The following DMD variants were observed in gnomAD, a reference collection of about 807,000 sequenced individuals.
DMD encodes mutant dystrophin.
A neutral mutation model predicts 330.1 loss-of-function variants in DMD; 63 were observed. That is an observed-to-expected ratio of 0.19 (90% CI 0.16 to 0.24). DMD has a LOEUF of 0.24. Ranked by LOEUF, DMD falls within the 10% of genes least tolerant of loss-of-function variation. The pLI is 1.00. For synonymous variants in DMD, 1,223 were observed against 959.8 expected (o/e 1.27, Z -5.07); for missense variants, 3,344 against 2,684.1 (o/e 1.25, Z -5.43).
At chrX:31,390,704 T>A (rs1340599168) in intron 60 of DMD, among the ~76,000 whole-genome samples, 1 of 111,771 alleles carries the variant, frequency 8.9e-6, no homozygotes, top group Admixed American at 9.5e-5. Flanking sequence ...CTCCCAGTAG[T>A]CATTTTCTTT....
intron 64 of DMD, among the ~76,000 whole-genome samples, chrX:31,213,849 AAAG>A (rs1191925098): frequency 2.7e-5 from 3 of 112,194 alleles, no homozygotes; most frequent in African/African-American, 9.7e-5. Context: ...AGAAAGAAAA[AAAG>A]AAGATTCTGA....
At chrX:32,525,304 G>A (rs912142475) in intron 17 of DMD, among the ~76,000 whole-genome samples, 1 of 111,624 alleles carries the variant, frequency 9.0e-6, no homozygotes, top group Non-Finnish European at 1.9e-5. Flanking sequence ...AGAGTTCTGG[G>A]AGTTAACTGT....
At chrX:33,205,617 T>A (rs781678124) in intron 1 of DMD, among the ~76,000 whole-genome samples, 3 of 111,821 alleles carry the variant, frequency 2.7e-5, no homozygotes, top group African/African-American at 9.7e-5. Context: ...TCCATGACAG[T>A]CTTAGCCAAA....
At chrX:33,034,886 G>C (rs2094178325) in intron 1 of DMD, among the ~76,000 whole-genome samples, 1 of 111,942 alleles carries the variant, frequency 8.9e-6, no homozygotes, top group African/African-American at 3.2e-5. Flanking sequence ...GACTAAATAA[G>C]CCATTATCTT....
intron 7 of DMD, among the ~76,000 whole-genome samples, chrX:32,764,097 GTT>G (rs367686108): frequency 5.8e-5 from 6 of 102,845 alleles, no homozygotes; most frequent in African/African-American, 1.7e-4. Flanking sequence ...TTAAGTTGAG[GTT>G]TTTTTTTTTT....
In DMD at chrX:32,323,446, T is replaced by A. The variant is rs367711796; in HGVS notation, c.5923-13170A>T. ...TTATGAAGTGATAGTGTAATTTAAG[T>A]AATAACATGACATCTTGAACTAGTA... On this transcript the variant is annotated intron_variant, in intron 41 of 78. Transcript: ENST00000357033. Among the ~76,000 whole-genome samples the A allele has an allele frequency of 4.4e-4, 49 of 111,813 alleles. 1 individual carries two copies. The East Asian group carries it at 9.4e-3, about 21-fold the overall frequency.
intron 4 of DMD, among the ~76,000 whole-genome samples, chrX:32,836,380 C>T (rs2079633977): frequency 9.0e-6 from 1 of 110,815 alleles, no homozygotes; most frequent in Non-Finnish European, 1.9e-5. Context: ...GTGTAAAACC[C>T]GTTTTTGGTT....
At chrX:33,303,653 G>C (rs192502374) in intron 1 of DMD, among the ~76,000 whole-genome samples, 42 of 111,349 alleles carry the variant, frequency 3.8e-4, no homozygotes, top group African/African-American at 1.3e-3. Flanking sequence ...GTGATAGCAA[G>C]TAAGTTCTCA....
chrX:31,914,206 G>T (rs975826781), intron 47 of DMD, among the ~76,000 whole-genome samples: 4 of 111,753 alleles, frequency 3.6e-5, no homozygotes, highest in African/African-American at 6.5e-5. Flanking sequence ...ATAGGTGGTC[G>T]TCCAGCACTT....
intron 48 of DMD, among the ~76,000 whole-genome samples, chrX:31,856,366 T>C (rs183140202): frequency 8.9e-6 from 1 of 112,386 alleles, no homozygotes; most frequent in African/African-American, 3.2e-5. Flanking sequence ...GAGAATGTTG[T>C]TTCAGCATTG....
chrX:32,612,167 T>C (rs1328953070), intron 12 of DMD, among the ~76,000 whole-genome samples: 2 of 111,588 alleles, frequency 1.8e-5, no homozygotes, highest in Non-Finnish European at 3.8e-5. Flanking sequence ...CTGGGGAATC[T>C]CTGAAAGACT....
intron 41 of DMD, among the ~76,000 whole-genome samples, chrX:32,334,366 C>G (rs2097695138): frequency 9.0e-6 from 1 of 111,663 alleles, no homozygotes; most frequent in Non-Finnish European, 1.9e-5. Flanking sequence ...CCAAATTCTC[C>G]AAGGATGTTG....
intron 1 of DMD, among the ~76,000 whole-genome samples, chrX:33,102,560 T>C (rs2095250099): frequency 9.0e-6 from 1 of 111,638 alleles, no homozygotes; most frequent in African/African-American, 3.3e-5. Flanking sequence ...CATTTAATGC[T>C]AGGATTGAAA....
At chrX:33,298,912 G>A (rs183155429) in intron 1 of DMD, among the ~76,000 whole-genome samples, 1 of 111,730 alleles carries the variant, frequency 9.0e-6, no homozygotes, top group East Asian at 2.8e-4. Flanking sequence ...TCAAGTGAGT[G>A]CGGAAGTGAT....
chrX:33,010,639 T>C (rs1468266454), intron 2 of DMD, among the ~76,000 whole-genome samples: 6 of 111,446 alleles, frequency 5.4e-5, no homozygotes, highest in Non-Finnish European at 9.4e-5. Flanking sequence ...CAGTATCAGA[T>C]TGATTGATTT....
At position 31,660,188 on chromosome X, in the gene DMD, G is replaced by A. The variant is rs985593734; in HGVS notation, c.7873-2044C>T. 1.8e-4 allele frequency among the ~76,000 whole-genome samples: 20 copies of A among 112,303 alleles called. 1 individual carries two copies. The highest frequency in any genetic ancestry group is 7.5e-5 in the Non-Finnish European group (4 of 53,289). ...GCAGAGGACAGTGTCTAAAGGCACA[G>A]AGCATAGTTGCTGCTATTACAAAAC... On this transcript the variant is annotated intron_variant, in intron 53 of 78. Transcript: ENST00000357033.
chrX:32,524,621 G>A (rs1027275435), intron 17 of DMD, among the ~76,000 whole-genome samples: 4 of 112,265 alleles, frequency 3.6e-5, no homozygotes, highest in African/African-American at 1.3e-4. Context: ...AGGCTTTGTG[G>A]AGTCAACACC....
chrX:31,401,158 C>T (rs1469766013), intron 60 of DMD, among the ~76,000 whole-genome samples: 3 of 111,098 alleles, frequency 2.7e-5, no homozygotes, highest in African/African-American at 9.8e-5. Context: ...GGCAGAAGCA[C>T]GATGAAGATC....
intron 7 of DMD, chrX:32,756,286 T>C (rs1277615711): frequency 1.8e-5 from 2 of 112,069 alleles, no homozygotes; most frequent in Non-Finnish European, 3.8e-5. Context: ...GAACGTCATA[T>C]TTCAGCAGCT....
Sources: allele counts gnomAD v4.1 joint callset (sites outside exome capture counted in the v4.1 genomes callset), GRCh38; gene constraint gnomAD v4.1.1; transcripts MANE v1.5; gene names NCBI Gene and HGNC (gene_info 2026-07-23, HGNC 2026-07-21).